ZMYM2: variants seen among roughly 807,000 people sequenced by gnomAD.
ZMYM2 encodes zinc finger MYM-type containing 2, also known as zinc finger MYM-type protein 2.
ZMYM2 carries 56 observed loss-of-function variants against 162.8 expected under a neutral mutation model. The ratio of observed to expected loss-of-function variants is 0.34; its 90% confidence interval spans 0.28 to 0.43. The LOEUF is 0.43. Ranked by LOEUF, ZMYM2 falls within the 20% of genes least tolerant of loss-of-function variation. The pLI, the probability that ZMYM2 is intolerant of heterozygous loss-of-function variation, is 1.00. For missense variants in ZMYM2, 1,275 were observed against 1,621.8 expected, an observed-to-expected ratio of 0.79 and a Z score of 3.67; for synonymous variants, 510 against 541.6, an observed-to-expected ratio of 0.94 and a Z score of 0.81.
At chr13:19,868,700 CTTTT>C in the ZMYM2 span, among the ~76,000 whole-genome samples, 1 of 152,146 alleles carries the variant, frequency 6.6e-6, no homozygotes, top group Non-Finnish European at 1.5e-5. Context: ...ATTTGCATTT[CTTTT>C]GTCTCATGCC....
intron 12 of ZMYM2, among the ~76,000 whole-genome samples, chr13:20,051,079 A>G (rs377523404): frequency 6.6e-6 from 1 of 152,178 alleles, no homozygotes; most frequent in South Asian, 2.1e-4. Flanking sequence ...TAAATGTTCA[A>G]TGTAATGATT....
intron 6 of ZMYM2, among the ~76,000 whole-genome samples, chr13:20,016,242 T>C (rs1384096166): frequency 1.3e-5 from 2 of 152,130 alleles, no homozygotes; most frequent in Non-Finnish European, 2.9e-5. Flanking sequence ...CTAATGTGAA[T>C]TTATAACAAG....
the ZMYM2 span, among the ~76,000 whole-genome samples, chr13:19,940,461 A>G: frequency 6.6e-6 from 1 of 152,204 alleles, no homozygotes; most frequent in African/African-American, 2.4e-5. Context: ...CTACACTACA[A>G]ATTGGTAACT....
At chr13:19,911,846 C>T in the ZMYM2 span, among the ~76,000 whole-genome samples, 2 of 152,238 alleles carry the variant, frequency 1.3e-5, no homozygotes, top group Non-Finnish European at 1.5e-5. Context: ...AGACCTGTCT[C>T]AATCTAGAAA....
intron 16 of ZMYM2, among the ~76,000 whole-genome samples, chr13:20,060,202 A>G (rs1008909045): frequency 2.0e-5 from 3 of 152,190 alleles, no homozygotes; most frequent in African/African-American, 7.2e-5. Context: ...TACTAGTTTA[A>G]TGAAGCTAAT....
At chr13:19,923,356 CAAAAAAAAAAA>C in the ZMYM2 span, among the ~76,000 whole-genome samples, 36 of 57,364 alleles carry the variant, frequency 6.3e-4, no homozygotes, top group African/African-American at 2.4e-3. Context: ...GACTCCGTCG[CAAAAAAAAAAA>C]AAAAAAAAAA....
the ZMYM2 span, among the ~76,000 whole-genome samples, chr13:19,874,913 A>G: frequency 2.0e-5 from 3 of 152,186 alleles, no homozygotes; most frequent in Non-Finnish European, 4.4e-5. Flanking sequence ...AAGTCAAAAT[A>G]TAACAGATGT....
the ZMYM2 span, among the ~76,000 whole-genome samples, chr13:19,899,816 CAAAAAAAAAA>C: frequency 1.2e-4 from 8 of 64,992 alleles, no homozygotes; most frequent in East Asian, 2.2e-3. Context: ...GACTCTGACT[CAAAAAAAAAA>C]AAAAAAAAAA....
chr13:19,906,333 A>ATGTGTATATATATGTG, the ZMYM2 span, among the ~76,000 whole-genome samples: 4 of 99,630 alleles, frequency 4.0e-5, no homozygotes, highest in African/African-American at 1.5e-4. Flanking sequence ...TGTTGTATGT[A>ATGTGTATATATATGTG]TGTGTATATA....
rs1956424525 is a variant in ZMYM2 at position 19,972,608 on chromosome 13, T to A, written c.-11+12582T>A. 2.0e-5 allele frequency among the ~76,000 whole-genome samples: 3 copies of A among 152,154 alleles called. No individual in the cohort carries two copies. The South Asian group carries it at 6.2e-4, about 31-fold the overall frequency. ...CTTTTGATGGACAGTCTGTTTCCAA[T>A]TTTTTGCTATTGTAGATAATGCTGC... On this transcript the variant is annotated intron_variant, in intron 2 of 24. Transcript: ENST00000610343.
At chr13:19,887,293 C>T in the ZMYM2 span, among the ~76,000 whole-genome samples, 1 of 151,718 alleles carries the variant, frequency 6.6e-6, no homozygotes, top group Non-Finnish European at 1.5e-5. Context: ...CTTTGGGAGG[C>T]GGAGGCGGGT....
chr13:19,908,414 A>C, the ZMYM2 span, among the ~76,000 whole-genome samples: 1 of 152,178 alleles, frequency 6.6e-6, no homozygotes, highest in South Asian at 2.1e-4. Context: ...TGGGCAACAT[A>C]AAGATACCCT....
At chr13:19,942,471 T>C in the ZMYM2 span, among the ~76,000 whole-genome samples, 1 of 150,226 alleles carries the variant, frequency 6.7e-6, no homozygotes, top group Non-Finnish European at 1.5e-5. Context: ...TTTTTACTGA[T>C]GTGGGAGGAT....
At chr13:19,903,483 C>CAAAAAAAAAAA in the ZMYM2 span, among the ~76,000 whole-genome samples, 792 of 83,532 alleles carry the variant, frequency 9.5e-3, no homozygotes, top group Middle Eastern at 0.015. Flanking sequence ...ACTAAAAATA[C>CAAAAAAAAAAA]AAAAAAAAAA....
upstream of ZMYM2, among the ~76,000 whole-genome samples, chr13:19,958,113 G>A (rs575571190): frequency 7.2e-3 from 1,090 of 152,182 alleles, 16 homozygotes; most frequent in African/African-American, 0.025. Flanking sequence ...GGCGCGGCGA[G>A]GGTGGAAGGG....
rs907330165 is a variant in ZMYM2 at position 20,086,283 on chromosome 13, A to T, written c.*269A>T. 1 of 287,542 alleles carries T rather than the reference A, an allele frequency of 3.5e-6. No individual in the cohort carries two copies. The highest frequency in any genetic ancestry group is 2.1e-5 in the African/African-American group (1 of 46,638). 17.8% of individuals were successfully genotyped at this position (287,542 alleles called of 1,614,324 possible). On this transcript the variant is annotated 3_prime_UTR_variant, in exon 25 of 25. Coordinates refer to ENST00000610343, the MANE Select transcript of ZMYM2 (RefSeq NM_197968.4). ...ATGTTTGTAACTTTTTACATTACAGAATATGAATGAGAATGTGCCATGTAT... is the reference window on the plus strand; with the variant it reads ...ATGTTTGTAACTTTTTACATTACAGTATATGAATGAGAATGTGCCATGTAT...
intron 2 of ZMYM2, among the ~76,000 whole-genome samples, chr13:19,974,527 G>A (rs920005961): frequency 7.3e-5 from 11 of 151,192 alleles, no homozygotes; most frequent in Non-Finnish European, 1.6e-4. Flanking sequence ...CCAGGCTGGA[G>A]TGCAGTGGTG....
At position 20,051,592 on chromosome 13, in the gene ZMYM2, C is replaced by G; in HGVS notation, c.2452C>G (p.His818Asp). 6.2e-7 allele frequency: 1 copy of G among 1,611,188 alleles called. No individual in the cohort carries two copies. The highest frequency in any genetic ancestry group is 8.5e-7 in the Non-Finnish European group (1 of 1,178,726). The stretch of plus-strand genomic sequence containing the variant: ...AACTCAGAAAGGACCTGAAAACTTA[C>G]ATTATGGTATGTAATGATTTAGGTG... The part of the protein sequence containing the change: ...MTTQKGPENL[H>D]YDQGCQTSRT... Residue 818 changes from histidine to aspartate, a missense_variant, in exon 13 of 25, where the codon CAT (histidine) becomes GAT (aspartate). Physicochemically the swap from His to Asp is moderately conservative, Grantham distance 81. This residue lies in a region of ZMYM2 where 177 missense variants were observed against 228.0 expected (regional missense o/e 0.78). Transcript: ENST00000610343.
intron 2 of ZMYM2, among the ~76,000 whole-genome samples, chr13:19,962,415 A>G (rs912607968): frequency 1.3e-5 from 2 of 149,694 alleles, no homozygotes; most frequent in African/African-American, 4.9e-5. Flanking sequence ...ATATGTCTCT[A>G]TACCATTTGA....
Sources: gnomAD v4.1 joint callset for allele counts (sites outside exome capture counted in the v4.1 genomes callset) on GRCh38, gnomAD v4.1.1 for gene constraint, gnomAD v4.1.1 regional missense constraint, MANE v1.5 for transcripts, NCBI Gene and HGNC (gene_info 2026-07-23, HGNC 2026-07-21) for gene names.